Variants in MAF observed in about 807,000 individuals in gnomAD.
MAF encodes transcription factor Maf.
A neutral mutation model predicts 22.0 loss-of-function variants in MAF; 10 were observed. The ratio of observed to expected loss-of-function variants is 0.45; its 90% CI spans 0.28 to 0.77. MAF has a LOEUF of 0.77. Among genes scored for constraint, MAF ranks in the 30% least tolerant of loss-of-function variants. MAF has a pLI of 0.12. For missense variants in MAF, 544 were observed against 548.4 expected (o/e 0.99, Z 0.08); for synonymous variants, 337 against 255.8 (o/e 1.32, Z -3.03).
At chr16:79,296,575 C>T in the MAF span, among the ~76,000 whole-genome samples, 33 of 151,914 alleles carry the variant, frequency 2.2e-4, no homozygotes, top group Non-Finnish European at 3.2e-4. Flanking sequence ...ATAGGCATTT[C>T]GGCAGCTTCC....
the MAF span, among the ~76,000 whole-genome samples, chr16:79,495,924 A>T: frequency 6.6e-6 from 1 of 152,210 alleles, no homozygotes; most frequent in Non-Finnish European, 1.5e-5. Flanking sequence ...AGTGTGATGG[A>T]GATAACACAC....
At chr16:79,492,328 ATAAT>A in the MAF span, among the ~76,000 whole-genome samples, 1 of 152,192 alleles carries the variant, frequency 6.6e-6, no homozygotes, top group African/African-American at 2.4e-5. Flanking sequence ...ATTCAACACT[ATAAT>A]TAATACAAAA....
chr16:79,515,634 T>G, the MAF span, among the ~76,000 whole-genome samples: 2 of 152,210 alleles, frequency 1.3e-5, no homozygotes, highest in African/African-American at 4.8e-5. Flanking sequence ...AGCCCCATCT[T>G]AAGTTGAGAA....
At chr16:79,506,003 AAAAGGAGGAAAG>A in the MAF span, among the ~76,000 whole-genome samples, 3 of 151,902 alleles carry the variant, frequency 2.0e-5, no homozygotes, top group Non-Finnish European at 4.4e-5. Flanking sequence ...GGGAAAGGAG[AAAAGGAGGAAAG>A]AGAGGAGGAA....
chr16:79,278,970 A>C, the MAF span, among the ~76,000 whole-genome samples: 1 of 152,120 alleles, frequency 6.6e-6, no homozygotes, highest in Non-Finnish European at 1.5e-5. Context: ...CAGAATTTGG[A>C]AACTTGCTAT....
the MAF span, among the ~76,000 whole-genome samples, chr16:79,268,762 GAGAA>G: frequency 7.2e-5 from 11 of 152,296 alleles, no homozygotes; most frequent in South Asian, 2.1e-3. Context: ...CCCCAATCCT[GAGAA>G]AGAAATTCTC....
At chr16:79,340,823 C>A in the MAF span, among the ~76,000 whole-genome samples, 18 of 152,126 alleles carry the variant, frequency 1.2e-4, no homozygotes, top group African/African-American at 3.4e-4. Context: ...GGAAGCAAAT[C>A]GCCCCCTCAT....
chr16:79,501,846 T>G, the MAF span, among the ~76,000 whole-genome samples: 1 of 152,184 alleles, frequency 6.6e-6, no homozygotes, highest in Non-Finnish European at 1.5e-5. Context: ...TTTTCTCTCC[T>G]TGATTTGAAT....
At chr16:79,527,691 G>C in the MAF span, among the ~76,000 whole-genome samples, 186 of 152,296 alleles carry the variant, frequency 1.2e-3, no homozygotes, top group African/African-American at 4.2e-3. Flanking sequence ...AGTGAAGCTT[G>C]TGAGGGTGTG....
the MAF span, among the ~76,000 whole-genome samples, chr16:79,555,547 G>C: frequency 2.0e-5 from 3 of 152,170 alleles, no homozygotes; most frequent in Non-Finnish European, 4.4e-5. Context: ...ACAGTGGAAA[G>C]ATACCTGCAA....
At chr16:79,220,365 A>G in the MAF span, among the ~76,000 whole-genome samples, 1 of 152,124 alleles carries the variant, frequency 6.6e-6, no homozygotes, top group Admixed American at 6.6e-5. Flanking sequence ...CAAAAGAACC[A>G]ACTAGTGTAA....
chr16:79,512,972 G>A, the MAF span, among the ~76,000 whole-genome samples: 3 of 152,212 alleles, frequency 2.0e-5, no homozygotes, highest in African/African-American at 7.2e-5. Flanking sequence ...CAACACAAAG[G>A]TGCTGACTGC....
At chr16:79,335,570 C>CG in the MAF span, among the ~76,000 whole-genome samples, 2 of 152,072 alleles carry the variant, frequency 1.3e-5, no homozygotes, top group Non-Finnish European at 2.9e-5. Context: ...AGAGGCAGGT[C>CG]GGGGGTCAGC....
At chr16:79,491,816 T>A in the MAF span, among the ~76,000 whole-genome samples, 3 of 152,238 alleles carry the variant, frequency 2.0e-5, no homozygotes, top group Admixed American at 2.0e-4. Context: ...AGTAGGTGAT[T>A]GAGAATCTCT....
chr16:79,597,641 G>A, intron 1 of MAF: 1 of 1,021,756 alleles, frequency 9.8e-7, no homozygotes, highest in Non-Finnish European at 1.2e-6. Flanking sequence ...ATGGGAAGAA[G>A]GCTCTACGGT....
At chr16:79,598,561 C>G in intron 1 of MAF, 1 of 1,440,432 alleles carries the variant, frequency 6.9e-7, no homozygotes, top group Non-Finnish European at 9.1e-7. Context: ...ACCACCACCA[C>G]AAACTCGAGC....
chr16:79,474,496 G>A, the MAF span, among the ~76,000 whole-genome samples: 1 of 152,136 alleles, frequency 6.6e-6, no homozygotes, highest in Non-Finnish European at 1.5e-5. Flanking sequence ...GAATGGTGTG[G>A]GCTCAGGTGC....
At chr16:79,561,955 G>C in the MAF span, among the ~76,000 whole-genome samples, 5 of 152,166 alleles carry the variant, frequency 3.3e-5, no homozygotes, top group African/African-American at 1.2e-4. Flanking sequence ...AGACACAACA[G>C]TATCTCTGGT....
chr16:79,440,020 A>G, the MAF span, among the ~76,000 whole-genome samples: 59 of 152,248 alleles, frequency 3.9e-4, no homozygotes, highest in African/African-American at 1.4e-3. Context: ...GAGAACAGAC[A>G]GGCACAGTCA....
Sources: allele counts gnomAD v4.1 joint callset (sites outside exome capture counted in the v4.1 genomes callset), GRCh38; gene constraint gnomAD v4.1.1; transcripts MANE v1.5; gene names NCBI Gene and HGNC (gene_info 2026-07-23, HGNC 2026-07-21).